TBX15: variants seen among roughly 807,000 people sequenced by gnomAD.
TBX15 encodes the protein T-box transcription factor TBX15.
TBX15 carries 18 observed loss-of-function variants against 53.9 expected under a neutral mutation model. The observed-to-expected ratio is 0.33, with a 90% CI of 0.23 to 0.49. The LOEUF (loss-of-function observed/expected upper bound fraction) is 0.49, where lower values mean the gene tolerates loss of function less well. Ranked by LOEUF, TBX15 falls within the 20% of genes least tolerant of loss-of-function variation. The pLI is 0.98. For synonymous variants in TBX15, 295 were observed against 278.0 expected (o/e 1.06, Z -0.61); for missense variants, 692 against 749.5 (o/e 0.92, Z 0.90).
chr1:118,929,077 G>A (rs1031923505), intron 2 of TBX15, among the ~76,000 whole-genome samples: 1 of 152,162 alleles, frequency 6.6e-6, no homozygotes, highest in Non-Finnish European at 1.5e-5. Context: ...GATGTGTTTG[G>A]TTTTAATTTT....
chr1:118,925,579 C>A (rs144286227), intron 3 of TBX15, among the ~76,000 whole-genome samples: 75 of 152,334 alleles, frequency 4.9e-4, no homozygotes, highest in Admixed American at 4.6e-4. Context: ...GAAGAAACAT[C>A]TCCATGGATC....
chr1:118,940,446 T>G (rs1024143098), intron 1 of TBX15, among the ~76,000 whole-genome samples: 2 of 151,898 alleles, frequency 1.3e-5, no homozygotes, highest in African/African-American at 4.9e-5. Context: ...AAGCAAAACA[T>G]TACAAGGTAC....
At chr1:118,957,626 C>T (rs1406097938) in intron 1 of TBX15, among the ~76,000 whole-genome samples, 1 of 152,176 alleles carries the variant, frequency 6.6e-6, no homozygotes, top group African/African-American at 2.4e-5. Context: ...CCCTCCTCCC[C>T]CAACCCCACA....
chr1:118,967,211 G>GT (rs1220488094), intron 1 of TBX15, among the ~76,000 whole-genome samples: 1 of 152,054 alleles, frequency 6.6e-6, no homozygotes, highest in African/African-American at 2.4e-5. Flanking sequence ...AAAGAAAAGG[G>GT]TTGACCTCGA....
chr1:118,956,518 C>T lies in TBX15; in HGVS notation c.206-24686G>A, dbSNP rs142336195. The stretch of plus-strand genomic sequence containing the variant: ...ATGAAGGAGTTCCTTCTAATAGTTG[C>T]TGTAAATTTTCTGTAAACTTAAAAT... On this transcript the variant is annotated intron_variant, in intron 1 of 7. Coordinates refer to ENST00000369429, the MANE Select transcript of TBX15 (RefSeq NM_001330677.2). 2.2e-4 allele frequency among the ~76,000 whole-genome samples: 34 copies of T among 152,214 alleles called. No individual in the cohort carries two copies. In the East Asian group the frequency reaches 5.4e-3, roughly 24 times the overall value.
At position 118,942,816 on chromosome 1, in the gene TBX15, T is replaced by TG. The variant is rs149686355; in HGVS notation, c.206-10985dup. On this transcript the variant is annotated intron_variant, in intron 1 of 7. Coordinates refer to ENST00000369429, the MANE Select transcript of TBX15 (RefSeq NM_001330677.2). ...GGTGCTTACAGTCATGAGGATAAAA[T>TG]GGGGAAAGGATCAAGTTCTACAAAT... Among the ~76,000 whole-genome samples, 866 of 152,232 alleles carry TG rather than the reference T, an allele frequency of 5.7e-3. 7 individuals carry two copies. Among genetic ancestry groups the TG allele is most frequent in the African/African-American group, 0.02 (814 of 41,548 alleles).
Position 118,903,962 on chromosome 1 carries a change from T to C in TBX15, c.927-4837A>G, listed in dbSNP as rs536988035. ...CCACAAAAGGCCAGTTATTTAAGCT[T>C]ACTATTAAAGAGTAATCAGCAGTTT... On this transcript the variant is annotated intron_variant, in intron 6 of 7. Coordinates refer to ENST00000369429, the MANE Select transcript of TBX15 (RefSeq NM_001330677.2). 2.9e-3 allele frequency among the ~76,000 whole-genome samples: 443 copies of C among 152,308 alleles called. 3 individuals are homozygous for C. The highest frequency in any genetic ancestry group is 9.9e-3 in the African/African-American group (411 of 41,572).
At chr1:118,967,103 C>A (rs1037605173) in intron 1 of TBX15, among the ~76,000 whole-genome samples, 1 of 152,034 alleles carries the variant, frequency 6.6e-6, no homozygotes, top group African/African-American at 2.4e-5. Flanking sequence ...TAGGAAATAC[C>A]AGATCTAGTG....
chr1:118,890,762 T>C (rs1300561691), intron 7 of TBX15: 2 of 578,790 alleles, frequency 3.5e-6, no homozygotes, highest in Non-Finnish European at 5.2e-6. Flanking sequence ...ACAGTTTCTT[T>C]TTCAATTTAT....
chr1:118,927,382 G>C (rs779064910), intron 2 of TBX15, among the ~76,000 whole-genome samples: 1 of 152,030 alleles, frequency 6.6e-6, no homozygotes, highest in Non-Finnish European at 1.5e-5. Flanking sequence ...TCAGTTTATT[G>C]CAAGTTATCA....
rs201912805 is a variant in TBX15 at position 118,896,377 on chromosome 1, A to G, written c.1024+2651T>C. Among the ~76,000 whole-genome samples, 51 of 152,318 alleles carry G rather than the reference A, an allele frequency of 3.3e-4. No homozygotes were observed. In the East Asian group the frequency reaches 8.1e-3, roughly 24 times the overall value. ...GAATTTACCTAAGTGCTTTCTTCAA[A>G]GTTTTATCAGCAGATGAGTCTTAAT... On this transcript the variant is annotated intron_variant, in intron 7 of 7. Coordinates refer to ENST00000369429, the MANE Select transcript of TBX15 (RefSeq NM_001330677.2).
chr1:118,960,017 C>T (rs1012457410), intron 1 of TBX15, among the ~76,000 whole-genome samples: 3 of 148,928 alleles, frequency 2.0e-5, no homozygotes, highest in Non-Finnish European at 4.4e-5. Context: ...AAGACAGCTG[C>T]AGGGCTAGCT....
intron 1 of TBX15, among the ~76,000 whole-genome samples, chr1:118,962,109 A>G (rs1000869802): frequency 5.3e-5 from 8 of 152,298 alleles, no homozygotes; most frequent in Admixed American, 2.0e-4. Flanking sequence ...CTAGCCAACA[A>G]AATTTCTTTT....
chr1:118,917,732 C>G (rs1269492735), intron 5 of TBX15, among the ~76,000 whole-genome samples: 2 of 152,182 alleles, frequency 1.3e-5, no homozygotes, highest in Non-Finnish European at 2.9e-5. Flanking sequence ...TTCTTCCATT[C>G]TCGTCCCTGT....
intron 6 of TBX15, among the ~76,000 whole-genome samples, chr1:118,906,353 C>T (rs1418004631): frequency 1.3e-5 from 2 of 152,154 alleles, no homozygotes; most frequent in African/African-American, 2.4e-5. Context: ...CTCCCACCCC[C>T]AATGACAAGT....
At chr1:118,980,221 C>A (rs941779510) in intron 1 of TBX15, among the ~76,000 whole-genome samples, 3 of 152,074 alleles carry the variant, frequency 2.0e-5, no homozygotes, top group Admixed American at 2.0e-4. Flanking sequence ...AACTGCTTCC[C>A]GGACCCTATC....
intron 1 of TBX15, among the ~76,000 whole-genome samples, chr1:118,932,913 A>G (rs926643529): frequency 6.6e-6 from 1 of 152,190 alleles, no homozygotes; most frequent in Non-Finnish European, 1.5e-5. Context: ...ACCCACCCTT[A>G]ACATCTAGAA....
chr1:118,926,744 C>T (rs1284314526), intron 2 of TBX15, 133 bp from the exon 3 acceptor site: 13 of 774,018 alleles, frequency 1.7e-5, no homozygotes, highest in Non-Finnish European at 2.8e-5. Context: ...CTCGCTCTGT[C>T]ACCCAGGCTG....
Position 118,987,802 on chromosome 1 carries a change from C to T in TBX15, c.-7G>A. On this transcript the variant is annotated 5_prime_UTR_variant, in exon 1 of 8. Coordinates refer to ENST00000369429, the MANE Select transcript of TBX15 (RefSeq NM_001330677.2). ...ATCTTCTCCTTTCACTCATTTTAGC[C>T]GCCCACACCCCTGCCTCCGCTTGCC... 1.1e-5 allele frequency: 17 copies of T among 1,548,976 alleles called. No individual in the cohort carries two copies. Among genetic ancestry groups the T allele is most frequent in the Non-Finnish European group, 1.5e-5 (17 of 1,146,558 alleles).
Sources: allele counts gnomAD v4.1 joint callset (sites outside exome capture counted in the v4.1 genomes callset), GRCh38; gene constraint gnomAD v4.1.1; transcripts MANE v1.5; gene names NCBI Gene and HGNC (gene_info 2026-07-23, HGNC 2026-07-21).